SEMA7A: variants seen among roughly 807,000 people sequenced by gnomAD.
SEMA7A encodes the protein semaphorin-7A.
SEMA7A carries 21 observed loss-of-function variants against 67.5 expected under a neutral mutation model. The observed-to-expected ratio is 0.31, with a 90% CI of 0.22 to 0.45. SEMA7A has a LOEUF of 0.45. Ranked by LOEUF, SEMA7A falls within the 20% of genes least tolerant of loss-of-function variation. SEMA7A has a pLI of 1.00. For synonymous variants in SEMA7A, 364 were observed against 368.5 expected, an observed-to-expected ratio of 0.99 and a Z score of 0.14; for missense variants, 774 against 908.6, an observed-to-expected ratio of 0.85 and a Z score of 1.90.
At chr15:74,417,270 C>T in intron 6 of SEMA7A, 65 bp downstream of exon 6, 1 of 1,270,282 alleles carries the variant, frequency 7.9e-7, no homozygotes, top group South Asian at 1.2e-5. Flanking sequence ...CATCAGGATC[C>T]CATCTGCCAC....
intron 1 of SEMA7A, among the ~76,000 whole-genome samples, chr15:74,424,917 C>T (rs911128817): frequency 6.6e-6 from 1 of 152,214 alleles, no homozygotes; most frequent in African/African-American, 2.4e-5. Flanking sequence ...GGTAGCGGTG[C>T]AGGGCCTGCC....
intron 1 of SEMA7A, among the ~76,000 whole-genome samples, chr15:74,420,462 C>T (rs1283636339): frequency 1.3e-5 from 2 of 152,190 alleles, no homozygotes; most frequent in African/African-American, 4.8e-5. Context: ...AGCTCACTGT[C>T]CTTGGGTGGT....
intron 1 of SEMA7A, among the ~76,000 whole-genome samples, chr15:74,422,528 G>A (rs1272391073): frequency 6.6e-6 from 1 of 152,164 alleles, no homozygotes; most frequent in Non-Finnish European, 1.5e-5. Flanking sequence ...CATTCAGGCT[G>A]CCCCGTACCC....
chr15:74,411,081 T>C lies in SEMA7A; in HGVS notation c.1640-96A>G. The C allele has an allele frequency of 6.6e-7, 1 of 1,514,112 alleles. No individual in the cohort carries two copies. The highest frequency in any genetic ancestry group is 8.8e-7 in the Non-Finnish European group (1 of 1,131,810). 93.8% of individuals were successfully genotyped at this position (1,514,112 alleles called of 1,614,324 possible). On this transcript the variant is annotated intron_variant, in intron 13 of 13. Transcript: ENST00000261918. This position sits in a 1 kb window ranked among gnomAD's most constrained non-coding sequence, Gnocchi z 4.4. ...CGGACTGGGATCCCAGGACAAGGCT[T>C]CTGAATGAACGTGGGGAACCCAGCC...
intron 1 of SEMA7A, among the ~76,000 whole-genome samples, chr15:74,424,093 C>A (rs191505387): frequency 9.5e-4 from 144 of 152,320 alleles, no homozygotes; most frequent in Non-Finnish European, 1.7e-3. Context: ...CATCCTCCCA[C>A]CCACCAAGGT....
rs1450615380 is a variant in SEMA7A at position 74,414,453 on chromosome 15, G to C, written c.1294+94C>G. The C allele has an allele frequency of 1.6e-6, 2 of 1,250,740 alleles. No individual in the cohort carries two copies. The highest frequency in any genetic ancestry group is 2.3e-6 in the Non-Finnish European group (2 of 868,690). The allele number at this position is 1,250,740 out of a possible 1,614,324, so 77.5% of individuals were successfully genotyped here. The stretch of plus-strand genomic sequence containing the variant: ...AGTCACTCAATTATTCCTTCCACAT[G>C]TAAAGATCCAACCAGATGTTAACTA... On this transcript the variant is annotated intron_variant, in intron 10 of 13. Transcript: ENST00000261918. This position sits in a 1 kb window ranked among gnomAD's most constrained non-coding sequence, Gnocchi z 4.1.
In SEMA7A at chr15:74,410,325, G is replaced by GC. The variant is rs1332840888; in HGVS notation, c.*298dup. On this transcript the variant is annotated 3_prime_UTR_variant, in exon 14 of 14. Coordinates refer to ENST00000261918, the MANE Select transcript of SEMA7A (RefSeq NM_003612.5). This position sits in a 1 kb window ranked among gnomAD's most constrained non-coding sequence, Gnocchi z 7.5. ...GGGCTCTTGGGCTGGGAGCATCGCT[G>GC]CATTTAGTCAAGTTTGAGGAGTCTG... 3 of 387,456 alleles carry GC rather than the reference G, an allele frequency of 7.7e-6. No individual in the cohort carries two copies. Among genetic ancestry groups the GC allele is most frequent in the East Asian group, 8.4e-5 (2 of 23,796 alleles). 24.0% of individuals were successfully genotyped at this position (387,456 alleles called of 1,614,324 possible).
chr15:74,416,985 C>T (rs1239855635), intron 6 of SEMA7A, among the ~76,000 whole-genome samples: 1 of 152,138 alleles, frequency 6.6e-6, no homozygotes, highest in African/African-American at 2.4e-5. Context: ...CCCTGGGGGC[C>T]CCTATGTCAC....
chr15:74,421,710 G>A (rs2061001591), intron 1 of SEMA7A, among the ~76,000 whole-genome samples: 1 of 152,222 alleles, frequency 6.6e-6, no homozygotes, highest in Non-Finnish European at 1.5e-5. Flanking sequence ...AGCAGCAGCA[G>A]CTCGATGAAT....
At chr15:74,425,296 A>G (rs569121127) in intron 1 of SEMA7A, among the ~76,000 whole-genome samples, 1 of 152,256 alleles carries the variant, frequency 6.6e-6, no homozygotes, top group East Asian at 1.9e-4. Context: ...TCATCACTGA[A>G]CTCTCATGAA....
In SEMA7A at chr15:74,418,802, G is replaced by A. The variant is rs200106474; in HGVS notation, c.329C>T (p.Thr110Met). The A allele has an allele frequency of 4.5e-5, 72 of 1,613,386 alleles. No individual in the cohort carries two copies. The highest frequency in any genetic ancestry group is 5.5e-5 in the Non-Finnish European group (65 of 1,179,822). ...FPEGKNASVR[T>M]VNIGSTKGSC... ...TGTTGGGGGAAGAGAGAGGCTCACCGTGCGCACAGATGCGTTCTTGCCCTC... is the reference window on the plus strand; with the variant it reads ...TGTTGGGGGAAGAGAGAGGCTCACCATGCGCACAGATGCGTTCTTGCCCTC... The change falls in exon 2 of 14, where the codon ACG (threonine) becomes ATG (methionine). Residue 110 changes from threonine to methionine, a missense_variant and splice_region_variant. Thr to Met is a moderately conservative substitution (Grantham distance 81). Coordinates refer to ENST00000261918, the MANE Select transcript of SEMA7A (RefSeq NM_003612.5).
Position 74,411,147 on chromosome 15 carries a change from C to A in SEMA7A, c.1639+148G>T. ...TTTTCTCCCGTCTCGCTCATCCCACCAAGAGGGCTCCCTCTGCAGGACTGT... is the reference window on the plus strand; with the variant it reads ...TTTTCTCCCGTCTCGCTCATCCCACAAAGAGGGCTCCCTCTGCAGGACTGT... On this transcript the variant is annotated intron_variant, in intron 13 of 13. Transcript: ENST00000261918. The surrounding 1 kb of genome is among the most constrained non-coding windows in gnomAD (Gnocchi z 4.4). 7.5e-7 allele frequency: 1 copy of A among 1,327,024 alleles called. No homozygotes were observed. 82.2% of individuals were successfully genotyped at this position (1,327,024 alleles called of 1,614,324 possible).
rs778053011 is a variant in SEMA7A, at chr15:74,416,534, T to C, written c.801+41A>G. 2.6e-5 allele frequency: 42 copies of C among 1,605,100 alleles called. No individual in the cohort carries two copies. The East Asian group carries it at 8.5e-4, about 32-fold the overall frequency. On this transcript the variant is annotated intron_variant, in intron 7 of 13. Transcript: ENST00000261918. ...ACTCACCCTCACTCAGGCCTATTCA[T>C]GCACAGACACGTAGCCAGCAGCCCT...
intron 1 of SEMA7A, among the ~76,000 whole-genome samples, chr15:74,419,264 G>A (rs571559269): frequency 6.6e-5 from 10 of 152,148 alleles, no homozygotes; most frequent in Admixed American, 1.3e-4. Context: ...CCTCTTGGGG[G>A]AACAGACCCC....
Position 74,411,942 on chromosome 15 carries a change from C to G in SEMA7A, c.1365G>C (p.Glu455Asp). Residue 455 changes from glutamate (E) to aspartate (D), a missense_variant, in exon 11 of 14, where the codon GAG (glutamate) becomes GAC (aspartate). By Grantham distance (45) the Glu-to-Asp change is conservative. Around this residue, in one of 2 missense-constraint regions of SEMA7A, gnomAD observed 427 missense variants for 555.4 expected, o/e 0.77. Transcript: ENST00000261918. The surrounding 1 kb of genome is among the most constrained non-coding windows in gnomAD (Gnocchi z 4.4). ...QEHSFAFNIM[E>D]IQPFRRAAAI... is the part of the protein sequence containing the mutation. ...CAGCCGCGCGGCGGAAGGGCTGGAT[C>G]TCCATGATGTTGAAGGCGAAGCTGT... 1 of 1,614,078 alleles carries G rather than the reference C, an allele frequency of 6.2e-7. No homozygotes were observed. The highest frequency in any genetic ancestry group is 8.5e-7 in the Non-Finnish European group (1 of 1,180,044).
rs1300339524 is a variant in SEMA7A at position 74,410,827 on chromosome 15, T to C, written c.1798A>G (p.Ile600Val). The C allele has an allele frequency of 3.7e-6, 6 of 1,614,232 alleles. No homozygotes were observed. Among genetic ancestry groups the C allele is most frequent in the Non-Finnish European group, 5.1e-6 (6 of 1,180,026 alleles). The change falls in exon 14 of 14, where the codon ATC becomes GTC. Residue 600 changes from isoleucine to valine, a missense_variant. Coordinates refer to ENST00000261918, the MANE Select transcript of SEMA7A (RefSeq NM_003612.5). This position sits in a 1 kb window ranked among gnomAD's most constrained non-coding sequence, Gnocchi z 7.5. ...TACTGCTGCGCCGTGAGGTTCTCGATGAACAGGATGCAGTTGGGGCTCTGG... is the reference window on the plus strand; with the variant it reads ...TACTGCTGCGCCGTGAGGTTCTCGACGAACAGGATGCAGTTGGGGCTCTGG... ...GHQSPNCILF[I>V]ENLTAQQYGH... is the part of the protein sequence containing the mutation.
At chr15:74,420,975 C>A (rs2060995792) in intron 1 of SEMA7A, among the ~76,000 whole-genome samples, 1 of 152,244 alleles carries the variant, frequency 6.6e-6, no homozygotes, top group African/African-American at 2.4e-5. Context: ...GTCACCTTAG[C>A]CCCACTCCTG....
At position 74,414,538 on chromosome 15, in the gene SEMA7A, G is replaced by A. The variant is rs763805975; in HGVS notation, c.1294+9C>T. On this transcript the variant is annotated intron_variant, in intron 10 of 13. Transcript: ENST00000261918. This position sits in a 1 kb window ranked among gnomAD's most constrained non-coding sequence, Gnocchi z 4.1. ...AAAGCAAACTGAGGGTCCCGGGGTAGCCTCTCACCTGTAGTTAGGTAAAGC... is the reference window on the plus strand; with the variant it reads ...AAAGCAAACTGAGGGTCCCGGGGTAACCTCTCACCTGTAGTTAGGTAAAGC... The A allele has an allele frequency of 9.9e-6, 16 of 1,613,382 alleles. No homozygotes were observed. Among genetic ancestry groups the A allele is most frequent in the Admixed American group, 1.7e-5 (1 of 59,994 alleles).
In SEMA7A at chr15:74,414,828, TCA is replaced by T; in HGVS notation, c.1095+8_1095+9del. On this transcript the variant is annotated splice_region_variant and intron_variant, in intron 9 of 13. Coordinates refer to ENST00000261918, the MANE Select transcript of SEMA7A (RefSeq NM_003612.5). The surrounding 1 kb of genome is among the most constrained non-coding windows in gnomAD (Gnocchi z 4.1). ...GGCTGGGCCTGGGCCACGGCTGGTG[TCA>T]CGCTCACCTTGCCAGGCCGCGGGTT... The T allele has an allele frequency of 6.2e-7, 1 of 1,614,024 alleles. No homozygotes were observed. The highest frequency in any genetic ancestry group is 8.5e-7 in the Non-Finnish European group (1 of 1,179,898).
Sources: allele counts gnomAD v4.1 joint callset (sites outside exome capture counted in the v4.1 genomes callset), GRCh38; gene constraint gnomAD v4.1.1; regional missense constraint gnomAD v4.1.1; non-coding constraint Gnocchi (gnomAD v3.1); transcripts MANE v1.5; gene names NCBI Gene and HGNC (gene_info 2026-07-23, HGNC 2026-07-21).